Variants in SLC26A7 observed in about 807,000 individuals in gnomAD.
SLC26A7 encodes solute carrier family 26 member 7, also known as anion exchange transporter.
In SLC26A7, 59 loss-of-function variants were observed where a neutral mutation model predicts 82.5. The observed-to-expected ratio is 0.72, with a 90% CI of 0.58 to 0.89. SLC26A7 has a LOEUF of 0.89. SLC26A7 is among the 40% of genes least tolerant of loss of function. The pLI is 0.00. For synonymous variants in SLC26A7, 271 were observed against 274.3 expected (o/e 0.99, Z 0.12); for missense variants, 820 against 793.0 (o/e 1.03, Z -0.41).
chr8:91,211,853 G>T (rs910377092), intron 1 of SLC26A7, among the ~76,000 whole-genome samples: 2 of 151,766 alleles, frequency 1.3e-5, no homozygotes, highest in African/African-American at 2.4e-5. Context: ...GATGATAAAT[G>T]GGTCTTTATT....
Position 91,318,324 on chromosome 8 carries a change from A to G in SLC26A7, c.586A>G (p.Lys196Glu), listed in dbSNP as rs750500236. 4.7e-5 allele frequency: 75 copies of G among 1,612,486 alleles called. No homozygotes were observed. The highest frequency in any genetic ancestry group is 3.4e-6 in the Non-Finnish European group (4 of 1,179,276). The change falls in exon 5 of 19, where the codon AAA becomes GAA. Residue 196 changes from lysine (K) to glutamate (E), a missense_variant. Transcript: ENST00000276609. ...CACCCATGTGGTGACTTCACAAGTCAAATATCTCTTGGGAATGAAAATGCC... is the reference window on the plus strand; with the variant it reads ...CACCCATGTGGTGACTTCACAAGTCGAATATCTCTTGGGAATGAAAATGCC... The part of the protein sequence containing the change: ...AATHVVTSQV[K>E]YLLGMKMPYI...
chr8:91,319,056 A>AT (rs1812719683), intron 5 of SLC26A7, among the ~76,000 whole-genome samples: 1 of 152,152 alleles, frequency 6.6e-6, no homozygotes, highest in Non-Finnish European at 1.5e-5. Flanking sequence ...AATAACATTA[A>AT]TTTTTTGTTT....
At chr8:91,370,079 C>T (rs182314992) in intron 15 of SLC26A7, among the ~76,000 whole-genome samples, 1 of 152,058 alleles carries the variant, frequency 6.6e-6, no homozygotes, top group East Asian at 1.9e-4. Flanking sequence ...TTGGCTCCTT[C>T]TCCCTTCTCT....
rs2130772328 is a variant in SLC26A7 at position 91,293,008 on chromosome 8, G to A, written c.305-2523G>A. ...CAAAAATAAACAATTATTTACTGATGGATTATAATATGATAGGACTTGAGA... is the reference window on the plus strand; with the variant it reads ...CAAAAATAAACAATTATTTACTGATAGATTATAATATGATAGGACTTGAGA... On this transcript the variant is annotated intron_variant, in intron 3 of 18. Transcript: ENST00000276609. 3.3e-5 allele frequency among the ~76,000 whole-genome samples: 5 copies of A among 152,076 alleles called. 1 individual carries two copies. In the Middle Eastern group the frequency reaches 0.017, roughly 517 times the overall value.
chr8:91,317,650 A>C (rs1346310436), intron 4 of SLC26A7, among the ~76,000 whole-genome samples: 3 of 152,158 alleles, frequency 2.0e-5, no homozygotes, highest in African/African-American at 4.8e-5. Context: ...AATCTTGAGG[A>C]ATGGCTTTCT....
intron 11 of SLC26A7, among the ~76,000 whole-genome samples, chr8:91,354,697 T>A (rs139530771): frequency 6.6e-6 from 1 of 152,074 alleles, no homozygotes; most frequent in Non-Finnish European, 1.5e-5. Flanking sequence ...GCTGAGACCA[T>A]GAAGTACAAG....
chr8:91,343,518 T>C, intron 9 of SLC26A7, 52 bp downstream of exon 9: 5 of 1,252,108 alleles, frequency 4.0e-6, no homozygotes, highest in Non-Finnish European at 5.7e-6. Context: ...TCACTCCCAT[T>C]CTAGGAGAGT....
Position 91,289,695 on chromosome 8 carries a change from A to G in SLC26A7, c.304+449A>G, listed in dbSNP as rs1811812300. 2.6e-5 allele frequency among the ~76,000 whole-genome samples: 4 copies of G among 152,176 alleles called. No homozygotes were observed. In the South Asian group the frequency reaches 8.3e-4, roughly 32 times the overall value. ...TGTTCTGAATTTACAATGAAATGAG[A>G]GAAAGTAAGTACTTGGGAGGTAAGA... On this transcript the variant is annotated intron_variant, in intron 3 of 18. Coordinates refer to ENST00000276609, the MANE Select transcript of SLC26A7 (RefSeq NM_052832.4).
In SLC26A7 at chr8:91,289,092, T is replaced by G. The variant is rs768917382; in HGVS notation, c.194-44T>G. ...ATTCTTTTGTGTAACAGACTGTGTC[T>G]TGGGGTTATAAGGTGGTTTTAATTA... On this transcript the variant is annotated intron_variant, in intron 2 of 18. Coordinates refer to ENST00000276609, the MANE Select transcript of SLC26A7 (RefSeq NM_052832.4). 1.5e-5 allele frequency: 19 copies of G among 1,241,094 alleles called. No homozygotes were observed. The Admixed American group carries it at 3.2e-4, about 21-fold the overall frequency. 76.9% of individuals were successfully genotyped at this position (1,241,094 alleles called of 1,614,324 possible).
intron 9 of SLC26A7, among the ~76,000 whole-genome samples, chr8:91,350,929 A>G (rs1813698102): frequency 6.6e-6 from 1 of 152,108 alleles, no homozygotes; most frequent in South Asian, 2.1e-4. Context: ...AATGCCTGAG[A>G]ATTCCAGTTG....
At chr8:91,358,938 G>A (rs1370106784) in intron 11 of SLC26A7, among the ~76,000 whole-genome samples, 2 of 152,126 alleles carry the variant, frequency 1.3e-5, no homozygotes, top group Non-Finnish European at 2.9e-5. Flanking sequence ...TGTGGGTTGG[G>A]GGGACGGGGG....
At chr8:91,377,919 T>C (rs967565900) in intron 15 of SLC26A7, among the ~76,000 whole-genome samples, 1 of 152,134 alleles carries the variant, frequency 6.6e-6, no homozygotes, top group South Asian at 2.1e-4. Flanking sequence ...CACCAAAAAC[T>C]TTGACGTAGT....
At chr8:91,251,503 G>A (rs2130698356) in intron 2 of SLC26A7, among the ~76,000 whole-genome samples, 1 of 152,200 alleles carries the variant, frequency 6.6e-6, no homozygotes, top group Admixed American at 6.6e-5. Flanking sequence ...TTTTTAAAAT[G>A]TCTATTCTTT....
At chr8:91,332,166 C>T (rs940163310) in intron 5 of SLC26A7, among the ~76,000 whole-genome samples, 8 of 145,732 alleles carry the variant, frequency 5.5e-5, no homozygotes, top group Non-Finnish European at 1.0e-4. Flanking sequence ...TATACACACA[C>T]ATATATATAT....
Position 91,262,915 on chromosome 8 carries a change from TAAAC to T in SLC26A7, c.193+13076_193+13079del, listed in dbSNP as rs759188405. 1.4e-3 allele frequency among the ~76,000 whole-genome samples: 216 copies of T among 152,162 alleles called. 2 individuals carry two copies. Among genetic ancestry groups the T allele is most frequent in the African/African-American group, 5.1e-3 (211 of 41,550 alleles). On this transcript the variant is annotated intron_variant, in intron 2 of 18. Transcript: ENST00000276609. ...AATCAATATTTCAGCATTTAATAAG[TAAAC>T]AAACCATTATTTAGGATAATTCTAA...
intron 11 of SLC26A7, among the ~76,000 whole-genome samples, chr8:91,356,473 T>C (rs62133829): frequency 0.08 from 12,252 of 152,258 alleles, 676 homozygotes; most frequent in Non-Finnish European, 0.13. Flanking sequence ...ATTTCTCTGA[T>C]GGCCAGTGAT....
intron 13 of SLC26A7, among the ~76,000 whole-genome samples, chr8:91,363,941 G>T (rs368310905): frequency 4.2e-4 from 57 of 135,656 alleles, no homozygotes; most frequent in African/African-American, 8.2e-4. Flanking sequence ...TCATGGTATT[G>T]TTTTTTTTTT....
rs1808532990 is a variant in SLC26A7, at chr8:91,395,107, G to C, written c.*10G>C. 1 of 1,613,186 alleles carries C rather than the reference G, an allele frequency of 6.2e-7. No homozygotes were observed. On this transcript the variant is annotated 3_prime_UTR_variant, in exon 19 of 19. Coordinates refer to ENST00000276609, the MANE Select transcript of SLC26A7 (RefSeq NM_052832.4). ...CCACAGTGAAGTCTGAGACCCTTTT[G>C]TCACAGTACAGCTCTTGTCTTTACC...
At chr8:91,271,702 C>T (rs1200202721) in intron 2 of SLC26A7, among the ~76,000 whole-genome samples, 1 of 149,522 alleles carries the variant, frequency 6.7e-6, no homozygotes, top group Admixed American at 6.8e-5. Context: ...TCACCCCATT[C>T]TCCTTCCTCA....
Sources: allele counts gnomAD v4.1 joint callset (sites outside exome capture counted in the v4.1 genomes callset), GRCh38; gene constraint gnomAD v4.1.1; transcripts MANE v1.5; gene names NCBI Gene and HGNC (gene_info 2026-07-23, HGNC 2026-07-21).